The following ZFYVE16 variants were observed in gnomAD, a reference collection of about 807,000 sequenced individuals.
ZFYVE16 encodes the protein zinc finger FYVE-type containing 16, also known as zinc finger FYVE domain-containing protein 16.
Under a neutral mutation model 138.1 loss-of-function variants are expected in ZFYVE16, and 89 were observed. The ratio of observed to expected loss-of-function variants is 0.64; its 90% CI spans 0.54 to 0.77. ZFYVE16 has a LOEUF of 0.77. ZFYVE16 is among the 30% of genes least tolerant of loss of function. The pLI is 0.00. For missense variants in ZFYVE16, 1,793 were observed against 1,786.7 expected, an observed-to-expected ratio of 1.00 and a Z score of -0.06; for synonymous variants, 596 against 618.3, an observed-to-expected ratio of 0.96 and a Z score of 0.53.
chr5:80,456,607 T>C lies in ZFYVE16; in HGVS notation c.3795+42T>C, dbSNP rs909966290. On this transcript the variant is annotated intron_variant, in intron 13 of 18. Transcript: ENST00000505560. ...TATTCAAATGACAATTATTGAACAT[T>C]AGAGTTCCCTTAGAATTGTGTCACA... 6 of 1,530,666 alleles carry C rather than the reference T, an allele frequency of 3.9e-6. No homozygotes were observed. In the African/African-American group the frequency reaches 6.9e-5, roughly 18 times the overall value. The allele number at this position is 1,530,666 out of a possible 1,614,324, so 94.8% of individuals were successfully genotyped here. A position where few individuals can be genotyped will look rare whatever the true frequency, so the allele number is the denominator to read the frequency against.
chr5:80,415,393 A>G (rs1336039773), intron 1 of ZFYVE16, among the ~76,000 whole-genome samples: 1 of 152,156 alleles, frequency 6.6e-6, no homozygotes, highest in Non-Finnish European at 1.5e-5. Flanking sequence ...TTCCTCTAAT[A>G]TGCTTTTTCT....
Position 80,448,152 on chromosome 5 carries a change from T to C in ZFYVE16, c.2851T>C (p.Ser951Pro), listed in dbSNP as rs372065941. The stretch of plus-strand genomic sequence containing the variant: ...TCAGGTTCCATCAGTGGAAAAATTG[T>C]CTATGAACACAGGAAATGAGGGGTT... Reference protein sequence around the residue: ...ISQVPSVEKLSMNTGNEGLPT... With the variant: ...ISQVPSVEKLPMNTGNEGLPT... Residue 951 changes from serine (S) to proline (P), a missense_variant, in exon 8 of 19, where the codon TCT becomes CCT. By Grantham distance (74) the Ser-to-Pro change is moderately conservative. Coordinates refer to ENST00000505560, the MANE Select transcript of ZFYVE16 (RefSeq NM_001284236.3). 7.4e-6 allele frequency: 12 copies of C among 1,613,902 alleles called. No homozygotes were observed. The African/African-American group carries it at 1.6e-4, about 22-fold the overall frequency.
intron 1 of ZFYVE16, among the ~76,000 whole-genome samples, chr5:80,426,224 GTGTGTA>G (rs1459068629): frequency 2.1e-5 from 3 of 141,984 alleles, no homozygotes; most frequent in South Asian, 4.5e-4. Context: ...GTGTGTGTGT[GTGTGTA>G]TGTGTGTGTG....
At chr5:80,440,526 A>G (rs796906042) in intron 5 of ZFYVE16, 15 of 985,322 alleles carry the variant, frequency 1.5e-5, no homozygotes, top group Middle Eastern at 5.2e-4. Flanking sequence ...CACTATTTGC[A>G]CATTTTTGTC....
In ZFYVE16 at chr5:80,440,657, G is replaced by GGTGTGTGTGTGTGTGTGTGTGTGT. The variant is rs141202687; in HGVS notation, c.2419+649_2419+672dup. The GGTGTGTGTGTGTGTGTGTGTGTGT allele has an allele frequency of 2.9e-5, 22 of 749,694 alleles. No homozygotes were observed. In the East Asian group the frequency reaches 4.8e-4, roughly 16 times the overall value. The allele number at this position is 749,694 out of a possible 1,614,324, so 46.4% of individuals were successfully genotyped here. ...TCTTGGTGGTCTTTGAGTTCTCACA[G>GGTGTGTGTGTGTGTGTGTGTGTGT]GTGTGTGTGTGTGTGTGTGTGTGTG... On this transcript the variant is annotated intron_variant, in intron 5 of 18. Transcript: ENST00000505560.
At chr5:80,433,656 AAT>A (rs1361671491) in intron 2 of ZFYVE16, among the ~76,000 whole-genome samples, 1 of 152,170 alleles carries the variant, frequency 6.6e-6, no homozygotes, top group Non-Finnish European at 1.5e-5. Context: ...CCTGCTGAAA[AAT>A]AGTTTCATTT....
rs760197006 is a variant in ZFYVE16, at chr5:80,448,312, T to C, written c.3011T>C (p.Ile1004Thr). The C allele has an allele frequency of 2.5e-6, 4 of 1,612,134 alleles. No homozygotes were observed. In the Admixed American group the frequency reaches 5.0e-5, roughly 20 times the overall value. Residue 1004 changes from isoleucine (I) to threonine (T), a missense_variant, in exon 8 of 19, where the codon ATT (isoleucine) becomes ACT (threonine). This residue lies in a region of ZFYVE16 where 1,295 missense variants were observed against 1,204.3 expected (regional missense o/e 1.08). Coordinates refer to ENST00000505560, the MANE Select transcript of ZFYVE16 (RefSeq NM_001284236.3). ...TCAGATTATAGGTTACTGTGTGATA[T>C]TAACAAGTATGTCTGCAATAAGATT... The part of the protein sequence containing the change: ...SISDYRLLCD[I>T]NKYVCNKISL...
intron 1 of ZFYVE16, among the ~76,000 whole-genome samples, chr5:80,424,147 A>G (rs1176004888): frequency 6.6e-6 from 1 of 151,772 alleles, no homozygotes; most frequent in African/African-American, 2.4e-5. Flanking sequence ...GGGTTTCACC[A>G]TGTTAGCCAG....
chr5:80,414,758 AC>A (rs1163369545), intron 1 of ZFYVE16, among the ~76,000 whole-genome samples: 3 of 152,238 alleles, frequency 2.0e-5, no homozygotes, highest in Non-Finnish European at 4.4e-5. Flanking sequence ...AATAAATTAT[AC>A]AAAACATTGG....
intron 1 of ZFYVE16, among the ~76,000 whole-genome samples, chr5:80,426,230 A>ATG (rs1197309798): frequency 1.3e-4 from 11 of 87,558 alleles, no homozygotes; most frequent in African/African-American, 4.8e-4. Flanking sequence ...GTGTGTGTGT[A>ATG]TGTGTGTGTG....
intron 5 of ZFYVE16, chr5:80,440,558 A>G (rs2112395290): frequency 2.0e-6 from 2 of 983,156 alleles, no homozygotes; most frequent in South Asian, 4.7e-5. Context: ...TCTTTTCTCA[A>G]CTTTAGAATT....
In ZFYVE16 at chr5:80,425,489, T is replaced by A. The variant is rs368139561; in HGVS notation, c.-93-2003T>A. ...GTAGCCAAACAGATGTGTTTAATAA[T>A]GTATATTCTTTTGTTTGTATTTATT... On this transcript the variant is annotated intron_variant, in intron 1 of 18. Transcript: ENST00000505560. Among the ~76,000 whole-genome samples the A allele has an allele frequency of 2.6e-5, 4 of 152,240 alleles. No individual in the cohort carries two copies. The East Asian group carries it at 5.8e-4, about 22-fold the overall frequency.
At chr5:80,466,915 T>C (rs893268740) in intron 15 of ZFYVE16, among the ~76,000 whole-genome samples, 60 of 152,312 alleles carry the variant, frequency 3.9e-4, no homozygotes, top group African/African-American at 1.3e-3. Context: ...ACTTGCCCTA[T>C]ACCTATCCTC....
chr5:80,444,208 T>G (rs1751037697), intron 6 of ZFYVE16, among the ~76,000 whole-genome samples: 2 of 152,142 alleles, frequency 1.3e-5, no homozygotes, highest in Non-Finnish European at 2.9e-5. Context: ...TTTATTATAA[T>G]GAAATAAGGA....
chr5:80,474,720 G>T lies in ZFYVE16; in HGVS notation c.4351G>T (p.Ala1451Ser), dbSNP rs1313198941. The T allele has an allele frequency of 2.2e-5, 36 of 1,613,712 alleles. No individual in the cohort carries two copies. The highest frequency in any genetic ancestry group is 2.8e-5 in the Non-Finnish European group (33 of 1,179,840). The change falls in exon 18 of 19, where the codon GCA (alanine) becomes TCA (serine). Residue 1451 changes from alanine to serine, a missense_variant. Coordinates refer to ENST00000505560, the MANE Select transcript of ZFYVE16 (RefSeq NM_001284236.3). ...LSILSTSYQF[A>S]KEIAMACSAA... Reference sequence around the variant, plus strand: ...TATTTTATCAACTTCTTATCAGTTTGCAAAAGAAATAGCCATGGCTTGTAG... The same window carrying T: ...TATTTTATCAACTTCTTATCAGTTTTCAAAAGAAATAGCCATGGCTTGTAG...
At chr5:80,435,400 C>T (rs1749747747) in intron 3 of ZFYVE16, among the ~76,000 whole-genome samples, 1 of 151,966 alleles carries the variant, frequency 6.6e-6, no homozygotes, top group African/African-American at 2.4e-5. Flanking sequence ...AACGCCTGGC[C>T]TCAGGTTATC....
intron 18 of ZFYVE16, among the ~76,000 whole-genome samples, chr5:80,475,296 C>T (rs1754789182): frequency 6.6e-6 from 1 of 152,166 alleles, no homozygotes; most frequent in Admixed American, 6.5e-5. Context: ...TCTTAAAAGT[C>T]TAAAAGCGTA....
In ZFYVE16 at chr5:80,436,946, A is replaced by G; in HGVS notation, c.261A>G (p.Gly87=). The G allele has an allele frequency of 6.2e-7, 1 of 1,614,120 alleles. No individual in the cohort carries two copies. The highest frequency in any genetic ancestry group is 1.1e-5 in the South Asian group (1 of 91,084). The part of the protein sequence containing the change: ...ESSLNEKTLK[G]LTSIQNEKNV... ...CCCTGAATGAAAAAACACTCAAGGG[A>G]CTTACTTCTATACAAAATGAAAAAA... Residue 87 remains glycine (G), a synonymous_variant, in exon 4 of 19, where the codon GGA becomes GGG. Coordinates refer to ENST00000505560, the MANE Select transcript of ZFYVE16 (RefSeq NM_001284236.3).
chr5:80,441,240 A>G, intron 5 of ZFYVE16: 7 of 985,396 alleles, frequency 7.1e-6, no homozygotes, highest in Non-Finnish European at 8.4e-6. Flanking sequence ...AACGTTATTT[A>G]TGTTGACAGG....
Sources: gnomAD v4.1 joint callset for allele counts (sites outside exome capture counted in the v4.1 genomes callset) on GRCh38, gnomAD v4.1.1 for gene constraint, gnomAD v4.1.1 regional missense constraint, MANE v1.5 for transcripts, NCBI Gene and HGNC (gene_info 2026-07-23, HGNC 2026-07-21) for gene names.